Variants in TROAP observed in about 807,000 individuals in gnomAD.
TROAP encodes trophinin associated protein.
A neutral mutation model predicts 83.4 loss-of-function variants in TROAP; 62 were observed. The observed-to-expected ratio is 0.74, with a 90% CI of 0.61 to 0.92. The LOEUF (loss-of-function observed/expected upper bound fraction) is 0.92. Ranked by LOEUF, TROAP falls within the 40% of genes least tolerant of loss-of-function variation. The probability of loss-of-function intolerance (pLI) is 0.00; values close to 1 mark genes in which losing one functional copy is unlikely to be tolerated. For synonymous variants in TROAP, 352 were observed against 386.4 expected (o/e 0.91, Z 1.04); for missense variants, 876 against 985.1 (o/e 0.89, Z 1.48).
At chr12:49,328,824 A>G (rs1943537228) in intron 8 of TROAP, 103 bp from the exon 9 acceptor site, 10 of 1,452,236 alleles carry the variant, frequency 6.9e-6, no homozygotes, top group South Asian at 1.5e-5. Flanking sequence ...AGATCGCGCC[A>G]CTGGACTCCA....
chr12:49,329,452 T>C lies in TROAP; in HGVS notation c.1162T>C (p.Trp388Arg). ...QSCSEDPALP[W>R]EQVAVRLFDQ... ...CTGCTCTGAAGATCCTGCCCTGCCC[T>C]GGGTAAGTATCAGAAGCTTCCCCCT... The change falls in exon 11 of 15, where the codon TGG becomes CGG. Residue 388 changes from tryptophan to arginine, a missense_variant and splice_region_variant. Physicochemically the swap from Trp to Arg is moderately radical, Grantham distance 101. Transcript: ENST00000257909. The surrounding 1 kb of genome is among the most constrained non-coding windows in gnomAD (Gnocchi z 4.5). 6.2e-7 allele frequency: 1 copy of C among 1,608,740 alleles called. No homozygotes were observed. Among genetic ancestry groups the C allele is most frequent in the South Asian group, 1.1e-5 (1 of 90,278 alleles).
Position 49,323,800 on chromosome 12 carries a change from C to G in TROAP, c.145-45C>G, listed in dbSNP as rs770009725. 1.9e-6 allele frequency: 3 copies of G among 1,613,926 alleles called. No individual in the cohort carries two copies. In the South Asian group the frequency reaches 3.3e-5, roughly 18 times the overall value. ...AGACAGTAGTCACACCAGTAATGCA[C>G]CCCAACACTAAACCTCACCTTTTTG... On this transcript the variant is annotated intron_variant, in intron 2 of 14. Transcript: ENST00000257909.
Position 49,331,650 on chromosome 12 carries a change from T to C in TROAP, c.*33T>C. ...ACCACTCCTGCCCTGCCGTACTTCT[T>C]CCTTTTAGCCCTTATTTATTGTCGG... On this transcript the variant is annotated 3_prime_UTR_variant, in exon 15 of 15. Transcript: ENST00000257909. 6.2e-7 allele frequency: 1 copy of C among 1,613,890 alleles called. No homozygotes were observed. Among genetic ancestry groups the C allele is most frequent in the African/African-American group, 1.3e-5 (1 of 75,030 alleles).
In TROAP at chr12:49,325,658, G is replaced by C; in HGVS notation, c.495G>C (p.Gln165His). ...GSQGGTTQRV[Q>H]GVRASAYLAP... ...AGGGAGGCACCACCCAGAGGGTCCA[G>C]GTAATGAAACAGGATGTGAGGAGAC... The change falls in exon 4 of 15, where the codon CAG becomes CAC. Residue 165 changes from glutamine to histidine, a missense_variant and splice_region_variant. Transcript: ENST00000257909. The C allele has an allele frequency of 6.2e-7, 1 of 1,613,594 alleles. No individual in the cohort carries two copies. Among genetic ancestry groups the C allele is most frequent in the South Asian group, 1.1e-5 (1 of 91,074 alleles).
rs376029667 is a variant in TROAP, at chr12:49,329,013, T to C, written c.978T>C (p.Phe326=). 2.4e-5 allele frequency: 38 copies of C among 1,611,730 alleles called. No individual in the cohort carries two copies. Among genetic ancestry groups the C allele is most frequent in the Non-Finnish European group, 3.2e-5 (38 of 1,178,570 alleles). ...ATGTGGTGCCATGTCCATCACCCTT[T>C]GGACGGGCTCAGCGTGTACCCTCCC... The part of the protein sequence containing the change: ...PGHVVPCPSP[F]GRAQRVPSPG... The change falls in exon 9 of 15, where the codon TTT becomes TTC. Residue 326 remains phenylalanine (F), a synonymous_variant. Transcript: ENST00000257909. The surrounding 1 kb of genome is among the most constrained non-coding windows in gnomAD (Gnocchi z 4.5).
intron 5 of TROAP, 29 bp from the exon 6 acceptor site, chr12:49,326,047 C>T (rs763707087): frequency 1.3e-5 from 21 of 1,612,006 alleles, no homozygotes; most frequent in East Asian, 6.7e-5. Flanking sequence ...CCTCTGATTC[C>T]GTTTTCATCT....
At position 49,329,182 on chromosome 12, in the gene TROAP, C is replaced by T. The variant is rs1399546491; in HGVS notation, c.1042C>T (p.Arg348Cys). The T allele has an allele frequency of 1.9e-6, 3 of 1,614,138 alleles. No individual in the cohort carries two copies. The highest frequency in any genetic ancestry group is 2.2e-5 in the East Asian group (1 of 44,874). Residue 348 changes from arginine to cysteine, a missense_variant, in exon 10 of 15, where the codon CGT becomes TGT. Arg to Cys is a radical substitution (Grantham distance 180). This residue lies in a region of TROAP where 689 missense variants were observed against 722.6 expected (regional missense o/e 0.95). Coordinates refer to ENST00000257909, the MANE Select transcript of TROAP (RefSeq NM_005480.4). This position sits in a 1 kb window ranked among gnomAD's most constrained non-coding sequence, Gnocchi z 4.5. ...PTLTSYSVLR[R>C]LTVQPKTRFT... ...CCAGACCTCATATTCAGTGTTGCGG[C>T]GTCTCACCGTTCAACCTAAAACCCG...
intron 6 of TROAP, 29 bp from the exon 7 acceptor site, chr12:49,326,639 C>T (rs1313288538): frequency 2.6e-6 from 4 of 1,550,648 alleles, no homozygotes; most frequent in Non-Finnish European, 3.5e-6. Context: ...TATTCAGTGA[C>T]TGCTGGCTAA....
intron 4 of TROAP, 44 bp downstream of exon 4, chr12:49,325,702 G>A (rs1033600140): frequency 1.9e-6 from 3 of 1,612,590 alleles, no homozygotes; most frequent in Admixed American, 1.7e-5. Context: ...GGGGCACTGA[G>A]GGGGGCATCC....
At position 49,330,009 on chromosome 12, in the gene TROAP, A is replaced by G; in HGVS notation, c.1299+18A>G. 1 of 1,613,744 alleles carries G rather than the reference A, an allele frequency of 6.2e-7. No homozygotes were observed. Among genetic ancestry groups the G allele is most frequent in the Non-Finnish European group, 8.5e-7 (1 of 1,179,774 alleles). ...AGATTCAAGTGAGTCTGTGTGGCCAACAGCTTTGATGTCTATTGAACAGTG... is the reference window on the plus strand; with the variant it reads ...AGATTCAAGTGAGTCTGTGTGGCCAGCAGCTTTGATGTCTATTGAACAGTG... On this transcript the variant is annotated intron_variant, in intron 12 of 14. Coordinates refer to ENST00000257909, the MANE Select transcript of TROAP (RefSeq NM_005480.4).
Position 49,331,360 on chromosome 12 carries a change from G to A in TROAP, c.2245G>A (p.Val749Ile). Reference protein sequence around the residue: ...SRAPPSGPTRVCTNPVATLLE... With the variant: ...SRAPPSGPTRICTNPVATLLE... ...AGCCCCTCCCTCAGGCCCCACCCGG[G>A]TCTGCACCAACCCTGTGGCTACATT... Residue 749 changes from valine (V) to isoleucine (I), a missense_variant, in exon 14 of 15, where the codon GTC becomes ATC. Physicochemically the swap from Val to Ile is conservative, Grantham distance 29 (BLOSUM62 3). Coordinates refer to ENST00000257909, the MANE Select transcript of TROAP (RefSeq NM_005480.4). 1 of 1,614,178 alleles carries A rather than the reference G, an allele frequency of 6.2e-7. No individual in the cohort carries two copies. The highest frequency in any genetic ancestry group is 8.5e-7 in the Non-Finnish European group (1 of 1,180,032).
chr12:49,328,430 T>C (rs56399724), intron 8 of TROAP, among the ~76,000 whole-genome samples: 78 of 152,006 alleles, frequency 5.1e-4, no homozygotes, highest in Non-Finnish European at 1.0e-3. Context: ...TCCATGTTGG[T>C]CAAGCTGGTC....
intron 13 of TROAP, 90 bp from the exon 14 acceptor site, chr12:49,331,124 G>A: frequency 6.3e-7 from 1 of 1,576,908 alleles, no homozygotes; most frequent in Non-Finnish European, 8.6e-7. Context: ...CTCCTAATTG[G>A]CTTGGCCGTT....
Position 49,331,234 on chromosome 12 carries a change from C to G in TROAP, c.2119C>G (p.Arg707Gly). ...CTCAGGCCTCAGCAATCTGGCCCCT[C>G]GAACCCTAGCCCTGAGGGAGCGCCT... Reference protein sequence around the residue: ...GQAGLSNLAPRTLALRERLKS... With the variant: ...GQAGLSNLAPGTLALRERLKS... The change falls in exon 14 of 15, where the codon CGA (arginine) becomes GGA (glycine). Residue 707 changes from arginine (R) to glycine (G), a missense_variant. Transcript: ENST00000257909. 1 of 1,614,206 alleles carries G rather than the reference C, an allele frequency of 6.2e-7. No individual in the cohort carries two copies. The highest frequency in any genetic ancestry group is 1.1e-5 in the South Asian group (1 of 91,086).
Position 49,329,662 on chromosome 12 carries a change from C to T in TROAP, c.1165-195C>T. ...GCAACATAGTGAGACCCTGTCTCCA[C>T]TAAAATTTTAAAAATTAGAAAGTGC... On this transcript the variant is annotated intron_variant, in intron 11 of 14. Coordinates refer to ENST00000257909, the MANE Select transcript of TROAP (RefSeq NM_005480.4). The surrounding 1 kb of genome is among the most constrained non-coding windows in gnomAD (Gnocchi z 4.5). The T allele has an allele frequency of 3.8e-6, 4 of 1,044,632 alleles. No individual in the cohort carries two copies. Among genetic ancestry groups the T allele is most frequent in the Non-Finnish European group, 5.6e-6 (4 of 714,202 alleles). 64.7% of individuals were successfully genotyped at this position (1,044,632 alleles called of 1,614,324 possible).
At position 49,328,997 on chromosome 12, in the gene TROAP, C is replaced by T. The variant is rs1943540363; in HGVS notation, c.962C>T (p.Pro321Leu). The change falls in exon 9 of 15, where the codon CCA (proline) becomes CTA (leucine). Residue 321 changes from proline (P) to leucine (L), a missense_variant. This residue lies in a region of TROAP where 689 missense variants were observed against 722.6 expected (regional missense o/e 0.95). Transcript: ENST00000257909. ...CAGCCCTTGCCTGGCCATGTGGTGC[C>T]ATGTCCATCACCCTTTGGACGGGCT... is the stretch of plus-strand genomic sequence containing the variant. ...VAQPLPGHVV[P>L]CPSPFGRAQR... 2 of 1,611,052 alleles carry T rather than the reference C, an allele frequency of 1.2e-6. No homozygotes were observed. The highest frequency in any genetic ancestry group is 1.7e-5 in the Admixed American group (1 of 59,814).
chr12:49,330,146 G>T lies in TROAP; in HGVS notation c.1301G>T (p.Arg434Leu). The change falls in exon 13 of 15, where the codon CGC (arginine) becomes CTC (leucine). Residue 434 changes from arginine to leucine, a missense_variant and splice_region_variant. Around this residue, in one of 3 missense-constraint regions of TROAP, gnomAD observed 689 missense variants for 722.6 expected, o/e 0.95. Coordinates refer to ENST00000257909, the MANE Select transcript of TROAP (RefSeq NM_005480.4). ...CTGGGGTGCTCTCTCCCACCACAGCGCATCGGTATCCTGCAACAGCTGTTG... is the reference window on the plus strand; with the variant it reads ...CTGGGGTGCTCTCTCCCACCACAGCTCATCGGTATCCTGCAACAGCTGTTG... ...TPSLQEVKIQ[R>L]IGILQQLLRQ... 6.2e-7 allele frequency: 1 copy of T among 1,613,406 alleles called. No homozygotes were observed. Among genetic ancestry groups the T allele is most frequent in the Admixed American group, 1.7e-5 (1 of 59,968 alleles).
Position 49,323,608 on chromosome 12 carries a change from C to T in TROAP, c.-1C>T. The T allele has an allele frequency of 6.2e-7, 1 of 1,613,894 alleles. No homozygotes were observed. The highest frequency in any genetic ancestry group is 2.2e-5 in the East Asian group (1 of 44,866). ...TCTTCCCCGTCTCAATTGTAGCCAT[C>T]ATGACCACCCGGCAAGCCACGAAGG... On this transcript the variant is annotated 5_prime_UTR_variant, in exon 2 of 15. Coordinates refer to ENST00000257909, the MANE Select transcript of TROAP (RefSeq NM_005480.4).
At chr12:49,325,380 A>T (rs571662203) in intron 3 of TROAP, 121 bp from the exon 4 acceptor site, 64 of 1,117,590 alleles carry the variant, frequency 5.7e-5, no homozygotes, top group African/African-American at 3.3e-4. Flanking sequence ...AAAAAAAAAA[A>T]AAATAAGCCA....
Sources: gnomAD v4.1 joint callset for allele counts (sites outside exome capture counted in the v4.1 genomes callset) on GRCh38, gnomAD v4.1.1 for gene constraint, gnomAD v4.1.1 regional missense constraint, Gnocchi (gnomAD v3.1) non-coding constraint, MANE v1.5 for transcripts, NCBI Gene and HGNC (gene_info 2026-07-23, HGNC 2026-07-21) for gene names.